USO1: variants seen among roughly 807,000 people sequenced by gnomAD.
USO1 encodes USO1 vesicle transport factor.
USO1 carries 57 observed loss-of-function variants against 124.5 expected under a neutral mutation model. That is an observed-to-expected ratio of 0.46 (90% CI 0.37 to 0.57). The LOEUF (loss-of-function observed/expected upper bound fraction) is 0.57. Among genes scored for constraint, USO1 ranks in the 20% least tolerant of loss-of-function variants. The pLI is 0.00. For synonymous variants in USO1, 369 were observed against 362.8 expected (o/e 1.02, Z -0.19); for missense variants, 900 against 1,040.6 (o/e 0.86, Z 1.86).
chr4:75,739,892 G>A (rs1386587598), intron 1 of USO1, among the ~76,000 whole-genome samples: 5 of 152,080 alleles, frequency 3.3e-5, no homozygotes, highest in African/African-American at 7.2e-5. Flanking sequence ...AATAGACCCC[G>A]TGTAGTGTTG....
chr4:75,808,515 T>C (rs1260293936), intron 20 of USO1, among the ~76,000 whole-genome samples: 1 of 152,210 alleles, frequency 6.6e-6, no homozygotes, highest in Non-Finnish European at 1.5e-5. Flanking sequence ...TGGTAGTTAA[T>C]GCATTCATTG....
At chr4:75,773,858 A>G (rs750993270) in intron 7 of USO1, among the ~76,000 whole-genome samples, 28 of 152,152 alleles carry the variant, frequency 1.8e-4, no homozygotes, top group Non-Finnish European at 3.5e-4. Context: ...GTTTGCCTCT[A>G]TGGGACTTTT....
At chr4:75,747,080 T>C (rs1173616900) in intron 1 of USO1, among the ~76,000 whole-genome samples, 8 of 152,294 alleles carry the variant, frequency 5.3e-5, no homozygotes, top group Middle Eastern at 3.4e-3. Flanking sequence ...CTCTATATCA[T>C]ATAGGGGAGG....
chr4:75,775,258 G>C (rs563152195), intron 8 of USO1, among the ~76,000 whole-genome samples: 4 of 152,316 alleles, frequency 2.6e-5, no homozygotes, highest in African/African-American at 7.2e-5. Context: ...ACGAACCCCA[G>C]CTGGGCTTGA....
intron 9 of USO1, 124 bp downstream of exon 9, chr4:75,782,982 T>C: frequency 7.7e-7 from 1 of 1,299,458 alleles, no homozygotes; most frequent in Non-Finnish European, 1.0e-6. Context: ...TTAAAAAAAC[T>C]GTAATATGGA....
chr4:75,792,477 C>T (rs1722559685), intron 12 of USO1, among the ~76,000 whole-genome samples: 1 of 152,236 alleles, frequency 6.6e-6, no homozygotes, highest in Admixed American at 6.5e-5. Context: ...GCGGAGGTTG[C>T]AGTGAACTGA....
At chr4:75,794,737 C>G (rs1007472000) in intron 13 of USO1, among the ~76,000 whole-genome samples, 4 of 152,202 alleles carry the variant, frequency 2.6e-5, no homozygotes, top group Admixed American at 6.5e-5. Flanking sequence ...TCCTGCCACA[C>G]TCGTTGAATT....
At chr4:75,734,718 CTTTT>C (rs55928639) in intron 1 of USO1, among the ~76,000 whole-genome samples, 5 of 47,448 alleles carry the variant, frequency 1.1e-4, no homozygotes, top group South Asian at 1.3e-3. Context: ...GGCAGTATGG[CTTTT>C]TTTTTTTTTT....
intron 13 of USO1, among the ~76,000 whole-genome samples, chr4:75,796,152 GTATTT>G (rs1477201125): frequency 6.6e-6 from 1 of 151,970 alleles, no homozygotes; most frequent in African/African-American, 2.4e-5. Flanking sequence ...ATTAGGGAAA[GTATTT>G]TATAAGTATA....
intron 14 of USO1, 101 bp from the exon 15 acceptor site, chr4:75,800,250 T>G: frequency 7.3e-7 from 1 of 1,366,658 alleles, no homozygotes; most frequent in Non-Finnish European, 9.7e-7. Flanking sequence ...ATATGGAATT[T>G]CTTATGGGAA....
chr4:75,807,304 C>T (rs2149194570), intron 20 of USO1, among the ~76,000 whole-genome samples: 1 of 151,840 alleles, frequency 6.6e-6, no homozygotes, highest in South Asian at 2.1e-4. Flanking sequence ...TTTCTTTCCT[C>T]CTCTCTTTTC....
intron 21 of USO1, among the ~76,000 whole-genome samples, 169 bp downstream of exon 21, chr4:75,809,220 T>C (rs324691): frequency 0.65 from 98,505 of 152,074 alleles, 34,093 homozygotes; most frequent in East Asian, 0.91. Context: ...GACAGTCGTT[T>C]TATAGTCAGT....
chr4:75,810,367 C>A (rs1577977720), intron 21 of USO1, 65 bp from the exon 22 acceptor site: 19 of 1,474,762 alleles, frequency 1.3e-5, no homozygotes, highest in Admixed American at 2.7e-5. Context: ...ATTAAATAAC[C>A]CTTTGGGAGT....
Position 75,774,672 on chromosome 4 carries a change from A to G in USO1, c.556-4A>G, listed in dbSNP as rs754496125. Reference sequence around the variant, plus strand: ...CCACTAAACATTCTCTTTCTTCTCTATAGGGCGTCTTACTACTGCAGGCAC... The same window carrying G: ...CCACTAAACATTCTCTTTCTTCTCTGTAGGGCGTCTTACTACTGCAGGCAC... On this transcript the variant is annotated splice_region_variant and splice_polypyrimidine_tract_variant and intron_variant, in intron 7 of 23. Coordinates refer to ENST00000514213, the MANE Select transcript of USO1 (RefSeq NM_003715.4). 9 of 1,610,352 alleles carry G rather than the reference A, an allele frequency of 5.6e-6. No individual in the cohort carries two copies. Among genetic ancestry groups the G allele is most frequent in the Admixed American group, 3.4e-5 (2 of 59,210 alleles).
In USO1 at chr4:75,805,159, A is replaced by G; in HGVS notation, c.2145A>G (p.Gln715=). The change falls in exon 19 of 24, where the codon CAA becomes CAG. Residue 715 remains glutamine (Q), a synonymous_variant. Transcript: ENST00000514213. ...KIQLGKDNQH[Q]GSYSEGAQMN... ...TAACAGGAAAAGACAATCAGCATCA[A>G]GGTTCTTACAGTGAGGGGGCTCAGA... is the stretch of plus-strand genomic sequence containing the variant. 7 of 1,593,476 alleles carry G rather than the reference A, an allele frequency of 4.4e-6. No homozygotes were observed. The highest frequency in any genetic ancestry group is 1.4e-5 in the African/African-American group (1 of 73,720).
At position 75,747,842 on chromosome 4, in the gene USO1, C is replaced by T. The variant is rs550011994; in HGVS notation, c.67-4531C>T. On this transcript the variant is annotated intron_variant, in intron 1 of 23. Transcript: ENST00000514213. ...GTGTTAACCAAGATGGTCTCGATCT[C>T]CTGACCTCCTGATCCGCCCACCTCG... 5.3e-5 allele frequency among the ~76,000 whole-genome samples: 8 copies of T among 149,790 alleles called. No homozygotes were observed. In the South Asian group the frequency reaches 1.3e-3, roughly 24 times the overall value.
At chr4:75,805,337 T>C in intron 19 of USO1, 34 bp downstream of exon 19, 1 of 1,512,172 alleles carries the variant, frequency 6.6e-7, no homozygotes, top group Non-Finnish European at 8.8e-7. Flanking sequence ...AAAATAAGAG[T>C]TCAAGAGTGG....
At position 75,756,833 on chromosome 4, in the gene USO1, A is replaced by C. The variant is rs566695561; in HGVS notation, c.219-664A>C. 3.3e-5 allele frequency among the ~76,000 whole-genome samples: 5 copies of C among 152,058 alleles called. No homozygotes were observed. In the South Asian group the frequency reaches 1.0e-3, roughly 32 times the overall value. On this transcript the variant is annotated intron_variant, in intron 3 of 23. Coordinates refer to ENST00000514213, the MANE Select transcript of USO1 (RefSeq NM_003715.4). ...GGGCACCATAAGATTTTTTTTTAAG[A>C]AAATAATATATAAAGAAGAAAAACA...
At chr4:75,798,854 G>A (rs984631077) in intron 13 of USO1, among the ~76,000 whole-genome samples, 1 of 151,836 alleles carries the variant, frequency 6.6e-6, no homozygotes, top group South Asian at 2.1e-4. Context: ...AAAGATACAG[G>A]TTATAGGAAT....
Sources: gnomAD v4.1 joint callset for allele counts (sites outside exome capture counted in the v4.1 genomes callset) on GRCh38, gnomAD v4.1.1 for gene constraint, MANE v1.5 for transcripts, NCBI Gene and HGNC (gene_info 2026-07-23, HGNC 2026-07-21) for gene names.